PLEKHH2: variants seen among roughly 807,000 people sequenced by gnomAD.
The protein encoded by PLEKHH2 is pleckstrin homology, MyTH4 and FERM domain containing H2.
Under a neutral mutation model 187.9 loss-of-function variants are expected in PLEKHH2, and 129 were observed. The observed-to-expected ratio is 0.69, with a 90% confidence interval of 0.59 to 0.79. The LOEUF (loss-of-function observed/expected upper bound fraction) is 0.79, where lower values mean the gene tolerates loss of function less well. Among genes scored for constraint, PLEKHH2 ranks in the 30% least tolerant of loss-of-function variants. PLEKHH2 has a pLI of 0.00. For synonymous variants in PLEKHH2, 686 were observed against 605.6 expected (o/e 1.13, Z -1.95); for missense variants, 2,076 against 1,751.2 (o/e 1.19, Z -3.31).
chr2:43,695,713 A>C (rs1669052643), intron 6 of PLEKHH2, among the ~76,000 whole-genome samples: 1 of 152,288 alleles, frequency 6.6e-6, no homozygotes, highest in African/African-American at 2.4e-5. Context: ...GGACTTTACC[A>C]CACAAGATAG....
chr2:43,680,735 CAGA>C, intron 3 of PLEKHH2: 1 of 409,544 alleles, frequency 2.4e-6, no homozygotes, highest in Non-Finnish European at 4.7e-6. Context: ...GTAAATCTTT[CAGA>C]AGGACCTCTA....
rs1669720364 is a variant in PLEKHH2, at chr2:43,707,502, A to G, written c.1923A>G (p.Ser641=). The part of the protein sequence containing the change: ...RSSSRTSESD[S]RSRSGPGSPR... Reference sequence around the variant, plus strand: ...GCTCCCGGACGTCAGAGTCAGACTCACGCAGTAGGAGTGGGCCAGGCAGCC... The same window carrying G: ...GCTCCCGGACGTCAGAGTCAGACTCGCGCAGTAGGAGTGGGCCAGGCAGCC... The change falls in exon 11 of 30, where the codon TCA becomes TCG. Residue 641 remains serine, a synonymous_variant. Transcript: ENST00000282406. 6.2e-7 allele frequency: 1 copy of G among 1,613,998 alleles called. No homozygotes were observed. The highest frequency in any genetic ancestry group is 8.5e-7 in the Non-Finnish European group (1 of 1,179,842).
At chr2:43,738,598 C>A in intron 20 of PLEKHH2, 78 bp downstream of exon 20, 3 of 1,336,354 alleles carry the variant, frequency 2.2e-6, no homozygotes, top group South Asian at 3.1e-5. Context: ...ACACATTCAG[C>A]ATAGACATTT....
At chr2:43,707,601 G>A (rs2104509099) in intron 11 of PLEKHH2, 56 bp downstream of exon 11, 1 of 1,586,466 alleles carries the variant, frequency 6.3e-7, no homozygotes, top group East Asian at 2.2e-5. Context: ...AATATTAATT[G>A]GGAATTTTAT....
chr2:43,711,940 A>G (rs2888881), intron 14 of PLEKHH2: 805,838 of 1,075,994 alleles, frequency 0.75, 306,640 homozygotes, highest in African/African-American at 0.93. Flanking sequence ...ACATTTAAGC[A>G]AGAAAGGGAA....
intron 17 of PLEKHH2, among the ~76,000 whole-genome samples, chr2:43,727,639 C>G (rs190911433): frequency 1.3e-5 from 2 of 152,150 alleles, no homozygotes; most frequent in African/African-American, 2.4e-5. Flanking sequence ...TGTTTTTGAG[C>G]ACATGTATCA....
Position 43,759,996 on chromosome 2 carries a change from AT to A in PLEKHH2, c.4071+968del, listed in dbSNP as rs1338654971. On this transcript the variant is annotated intron_variant, in intron 27 of 29. Coordinates refer to ENST00000282406, the MANE Select transcript of PLEKHH2 (RefSeq NM_172069.4). ...TTTTTCTAGTGGAACTGAAAGCTGT[AT>A]ACTAATTAAGAAAAAGATGATAAAG... 3.3e-5 allele frequency among the ~76,000 whole-genome samples: 5 copies of A among 152,354 alleles called. No individual in the cohort carries two copies. The South Asian group carries it at 1.0e-3, about 32-fold the overall frequency.
At chr2:43,764,640 A>T (rs1672555744) in intron 29 of PLEKHH2, among the ~76,000 whole-genome samples, 1 of 152,202 alleles carries the variant, frequency 6.6e-6, no homozygotes, top group Admixed American at 6.5e-5. Flanking sequence ...TTTGTAGGGT[A>T]CTTAGCCCAA....
At chr2:43,745,036 G>A (rs778499160) in intron 23 of PLEKHH2, among the ~76,000 whole-genome samples, 7 of 152,006 alleles carry the variant, frequency 4.6e-5, no homozygotes, top group South Asian at 2.1e-4. Flanking sequence ...GAACTAGGCC[G>A]GGTGTGGTGG....
chr2:43,690,788 C>T (rs988113576), intron 3 of PLEKHH2, among the ~76,000 whole-genome samples: 23 of 152,208 alleles, frequency 1.5e-4, no homozygotes, highest in African/African-American at 5.5e-4. Context: ...ACATCTCAAA[C>T]ATCTCTTATT....
chr2:43,744,201 A>G lies in PLEKHH2; in HGVS notation c.3555+212A>G, dbSNP rs1414949006. ...CTCTACATATACACATTCCATATTA[A>G]AGAGAGGAAAGGTGTTAGTAATGGA... On this transcript the variant is annotated intron_variant, in intron 23 of 29. Coordinates refer to ENST00000282406, the MANE Select transcript of PLEKHH2 (RefSeq NM_172069.4). The G allele has an allele frequency of 1.2e-5, 13 of 1,067,666 alleles. No homozygotes were observed. In the East Asian group the frequency reaches 3.5e-4, roughly 29 times the overall value. The allele number at this position is 1,067,666 out of a possible 1,614,324, so 66.1% of individuals were successfully genotyped here. A position where few individuals can be genotyped will look rare whatever the true frequency, so the allele number is the denominator to read the frequency against.
At chr2:43,736,270 G>A (rs1426275063) in intron 19 of PLEKHH2, among the ~76,000 whole-genome samples, 6 of 152,192 alleles carry the variant, frequency 3.9e-5, no homozygotes, top group Admixed American at 3.9e-4. Flanking sequence ...GCAACAACCA[G>A]TTAGAAGATA....
At chr2:43,666,526 C>T (rs1401788792) in intron 2 of PLEKHH2, among the ~76,000 whole-genome samples, 1 of 152,180 alleles carries the variant, frequency 6.6e-6, no homozygotes, top group Non-Finnish European at 1.5e-5. Flanking sequence ...TAAGAAACTG[C>T]CGAACTGTTT....
rs185536915 is a variant in PLEKHH2, at chr2:43,736,150, C to T, written c.2944-2191C>T. ...ATTTACAGATGGTATATTTGTATAC[C>T]CAGAAAACCCAAAAGAACAAACTAA... On this transcript the variant is annotated intron_variant, in intron 19 of 29. Transcript: ENST00000282406. Among the ~76,000 whole-genome samples, 155 of 151,440 alleles carry T rather than the reference C, an allele frequency of 1.0e-3. 1 individual carries two copies. The South Asian group carries it at 0.019, about 18-fold the overall frequency.
At chr2:43,641,934 T>C (rs879699354) in intron 1 of PLEKHH2, among the ~76,000 whole-genome samples, 5 of 152,210 alleles carry the variant, frequency 3.3e-5, no homozygotes, top group Admixed American at 2.0e-4. Flanking sequence ...GTCCTCCAAC[T>C]TTTCAATTTT....
intron 2 of PLEKHH2, among the ~76,000 whole-genome samples, chr2:43,671,812 T>C (rs1164685713): frequency 6.6e-6 from 1 of 152,224 alleles, no homozygotes; most frequent in Admixed American, 6.5e-5. Flanking sequence ...CACTTAGCCA[T>C]GACATAATAT....
chr2:43,702,452 A>G (rs1412441771), intron 8 of PLEKHH2, among the ~76,000 whole-genome samples: 1 of 148,384 alleles, frequency 6.7e-6, no homozygotes, highest in Non-Finnish European at 1.5e-5. Context: ...AATTTTGCCT[A>G]TCTTATGATG....
At chr2:43,673,251 C>G (rs12613555) in intron 2 of PLEKHH2, among the ~76,000 whole-genome samples, 8 of 151,926 alleles carry the variant, frequency 5.3e-5, no homozygotes, top group African/African-American at 1.9e-4. Context: ...ATATCATTTC[C>G]TCCATCCATA....
At chr2:43,644,925 A>G (rs1666115967) in intron 2 of PLEKHH2, 129 bp downstream of exon 2, 1 of 1,077,164 alleles carries the variant, frequency 9.3e-7, no homozygotes, top group Non-Finnish European at 1.3e-6. Flanking sequence ...TATATTTGGC[A>G]TATTCTTTTG....
Sources: gnomAD v4.1 joint callset for allele counts (sites outside exome capture counted in the v4.1 genomes callset) on GRCh38, gnomAD v4.1.1 for gene constraint, MANE v1.5 for transcripts, NCBI Gene and HGNC (gene_info 2026-07-23, HGNC 2026-07-21) for gene names.